UNC13C: variants seen among roughly 807,000 people sequenced by gnomAD.
UNC13C encodes unc-13 homolog C, also known as protein unc-13 homolog C.
In UNC13C, 174 loss-of-function variants were observed where a neutral mutation model predicts 245.4. That is an observed-to-expected ratio of 0.71 (90% CI 0.63 to 0.80). The LOEUF (loss-of-function observed/expected upper bound fraction) is 0.80. Ranked by LOEUF, UNC13C falls within the 30% of genes least tolerant of loss-of-function variation. The pLI, the probability that UNC13C is intolerant of heterozygous loss-of-function variation, is 0.00. For missense variants in UNC13C, 2,829 were observed against 2,602.9 expected (o/e 1.09, Z -1.89); for synonymous variants, 992 against 895.1 (o/e 1.11, Z -1.93).
intron 30 of UNC13C, among the ~76,000 whole-genome samples, chr15:54,587,176 C>T (rs1388381807): frequency 6.6e-6 from 1 of 151,904 alleles, no homozygotes; most frequent in Non-Finnish European, 1.5e-5. Context: ...TACACAAATA[C>T]TTATAAGGTG....
intron 25 of UNC13C, among the ~76,000 whole-genome samples, chr15:54,526,813 G>A (rs969103581): frequency 2.5e-4 from 38 of 150,920 alleles, no homozygotes; most frequent in Non-Finnish European, 1.5e-4. Context: ...CTCATCACCT[G>A]TTGTTGTGTT....
chr15:53,964,162 G>A, the UNC13C span, among the ~76,000 whole-genome samples: 1 of 152,110 alleles, frequency 6.6e-6, no homozygotes, highest in South Asian at 2.1e-4. Context: ...TACAGAGTAG[G>A]AGTACTGACA....
chr15:54,577,211 T>A (rs928535641), intron 30 of UNC13C, among the ~76,000 whole-genome samples: 1 of 151,880 alleles, frequency 6.6e-6, no homozygotes, highest in Non-Finnish European at 1.5e-5. Flanking sequence ...CTACTTTTTT[T>A]TGGCAAACTC....
chr15:54,015,011 G>A lies in UNC13C; in HGVS notation c.2108G>A (p.Ser703Asn). 3.1e-6 allele frequency: 5 copies of A among 1,613,556 alleles called. No individual in the cohort carries two copies. The highest frequency in any genetic ancestry group is 3.4e-6 in the Non-Finnish European group (4 of 1,179,754). ...KDLEYLGKCH[S>N]DLQDDSESYD... ...CTAGAATACTTGGGAAAGTGCCACAGTGATCTTCAAGATGACTCAGAGAGC... is the reference window on the plus strand; with the variant it reads ...CTAGAATACTTGGGAAAGTGCCACAATGATCTTCAAGATGACTCAGAGAGC... Residue 703 changes from serine (S) to asparagine (N), a missense_variant, in exon 2 of 33, where the codon AGT becomes AAT. Ser to Asn is a conservative substitution (Grantham distance 46). Transcript: ENST00000260323.
the UNC13C span, among the ~76,000 whole-genome samples, chr15:53,906,339 T>G: frequency 1.3e-5 from 2 of 152,100 alleles, no homozygotes; most frequent in Non-Finnish European, 2.9e-5. Context: ...TCTCTGTAAT[T>G]GAGTTATATG....
the UNC13C span, among the ~76,000 whole-genome samples, chr15:53,866,401 A>G: frequency 1.3e-5 from 2 of 152,240 alleles, no homozygotes; most frequent in East Asian, 3.8e-4. Context: ...CACATAGACA[A>G]CACAATATGC....
chr15:54,538,513 T>C (rs1896096281), intron 26 of UNC13C, among the ~76,000 whole-genome samples: 1 of 151,980 alleles, frequency 6.6e-6, no homozygotes, highest in Non-Finnish European at 1.5e-5. Context: ...CCAAAGAATA[T>C]AAATTGTTCT....
intron 19 of UNC13C, among the ~76,000 whole-genome samples, chr15:54,459,027 G>T (rs998999645): frequency 2.6e-5 from 4 of 151,980 alleles, no homozygotes; most frequent in African/African-American, 9.7e-5. Flanking sequence ...CTATTTTGGT[G>T]TATTTTGAAG....
intron 13 of UNC13C, among the ~76,000 whole-genome samples, chr15:54,301,024 A>G (rs1385514008): frequency 1.3e-5 from 2 of 152,210 alleles, no homozygotes; most frequent in African/African-American, 4.8e-5. Context: ...ACTGAATTTC[A>G]GTAAGGGTTT....
At chr15:54,341,975 CAAAA>C (rs56264981) in intron 17 of UNC13C, among the ~76,000 whole-genome samples, 1 of 126,850 alleles carries the variant, frequency 7.9e-6, no homozygotes, top group Non-Finnish European at 1.6e-5. Context: ...GACTCTGTCT[CAAAA>C]AAAAAAAAAA....
chr15:54,623,601 A>T (rs934675027), intron 31 of UNC13C, among the ~76,000 whole-genome samples, 194 bp from the exon 32 acceptor site: 1 of 152,222 alleles, frequency 6.6e-6, no homozygotes, highest in African/African-American at 2.4e-5. Flanking sequence ...CCAAAGCTAC[A>T]CAGCTTAAAG....
intron 17 of UNC13C, among the ~76,000 whole-genome samples, chr15:54,382,700 A>C (rs2039753673): frequency 6.6e-6 from 1 of 152,132 alleles, no homozygotes; most frequent in African/African-American, 2.4e-5. Context: ...GAAGGAAGGA[A>C]ATGATAAAGG....
the UNC13C span, among the ~76,000 whole-genome samples, chr15:53,924,791 A>G: frequency 6.6e-6 from 1 of 152,244 alleles, no homozygotes; most frequent in Admixed American, 6.5e-5. Context: ...CATTTTGAAC[A>G]CAAAATTCAA....
intron 29 of UNC13C, among the ~76,000 whole-genome samples, chr15:54,561,286 T>G (rs1354127813): frequency 6.7e-6 from 1 of 148,816 alleles, no homozygotes; most frequent in East Asian, 1.9e-4. Context: ...GAAAATGAAA[T>G]AATGATACAT....
chr15:54,434,973 G>GA (rs1311095690), intron 19 of UNC13C, among the ~76,000 whole-genome samples: 2 of 151,892 alleles, frequency 1.3e-5, no homozygotes, highest in African/African-American at 2.4e-5. Flanking sequence ...ACAAACACAT[G>GA]AAAAAAAGCT....
chr15:54,344,835 CT>C (rs958370475), intron 17 of UNC13C, among the ~76,000 whole-genome samples: 17 of 152,284 alleles, frequency 1.1e-4, no homozygotes, highest in African/African-American at 4.1e-4. Context: ...CAGATCCATG[CT>C]TCTACCCTGG....
At chr15:54,399,408 T>C (rs1313224301) in intron 18 of UNC13C, among the ~76,000 whole-genome samples, 2 of 151,830 alleles carry the variant, frequency 1.3e-5, no homozygotes, top group Non-Finnish European at 3.0e-5. Flanking sequence ...TAAATATTCA[T>C]AAAATTTTAC....
At chr15:54,592,863 G>GTTTTTTT (rs56152927) in intron 30 of UNC13C, among the ~76,000 whole-genome samples, 8 of 134,144 alleles carry the variant, frequency 6.0e-5, no homozygotes, top group African/African-American at 5.5e-5. Flanking sequence ...TTTGTTTTTT[G>GTTTTTTT]TTTTTTTTTT....
At chr15:54,332,000 G>A in intron 14 of UNC13C, 43 bp from the exon 15 acceptor site, 1 of 1,342,186 alleles carries the variant, frequency 7.5e-7, no homozygotes, top group South Asian at 1.4e-5. Context: ...CTTTAGAGTG[G>A]TCATTTATTT....
Sources: allele counts gnomAD v4.1 joint callset (sites outside exome capture counted in the v4.1 genomes callset), GRCh38; gene constraint gnomAD v4.1.1; transcripts MANE v1.5; gene names NCBI Gene and HGNC (gene_info 2026-07-23, HGNC 2026-07-21).